OSBPL10: variants seen among roughly 807,000 people sequenced by gnomAD.
The protein encoded by OSBPL10 is oxysterol binding protein like 10, also known as oxysterol-binding protein-related protein 10.
Under a neutral mutation model 81.7 loss-of-function variants are expected in OSBPL10, and 49 were observed. That is an observed-to-expected ratio of 0.60 (90% CI 0.48 to 0.76). The LOEUF is 0.76. Among genes scored for constraint, OSBPL10 ranks in the 30% least tolerant of loss-of-function variants. The pLI is 0.00. For missense variants in OSBPL10, 923 were observed against 987.8 expected (o/e 0.93, Z 0.88); for synonymous variants, 419 against 383.6 (o/e 1.09, Z -1.08).
At chr3:31,973,309 C>T (rs2125494940) in intron 1 of OSBPL10, among the ~76,000 whole-genome samples, 1 of 152,258 alleles carries the variant, frequency 6.6e-6, no homozygotes, top group East Asian at 1.9e-4. Flanking sequence ...TAATGAGAGG[C>T]AGGGCTAAGA....
intron 1 of OSBPL10, among the ~76,000 whole-genome samples, chr3:32,070,312 TC>T (rs1373017221): frequency 6.6e-6 from 1 of 152,160 alleles, no homozygotes; most frequent in East Asian, 1.9e-4. Context: ...TGGACAACAT[TC>T]TTTTATGCAC....
At chr3:31,804,256 T>C (rs1254708952) in intron 4 of OSBPL10, among the ~76,000 whole-genome samples, 2 of 152,214 alleles carry the variant, frequency 1.3e-5, no homozygotes, top group East Asian at 3.8e-4. Flanking sequence ...TATGTTATTC[T>C]AAGGGTTGAA....
At chr3:31,924,059 A>G (rs1428168322) in intron 1 of OSBPL10, among the ~76,000 whole-genome samples, 2 of 151,902 alleles carry the variant, frequency 1.3e-5, no homozygotes, top group Non-Finnish European at 2.9e-5. Context: ...TTTACTAAAA[A>G]TACAAGAAAA....
intron 4 of OSBPL10, among the ~76,000 whole-genome samples, chr3:31,806,206 C>T (rs987119020): frequency 6.6e-6 from 1 of 152,192 alleles, no homozygotes; most frequent in Non-Finnish European, 1.5e-5. Context: ...AGCCTACGCC[C>T]TTGTTCCCTC....
rs56311731 is a variant in OSBPL10, at chr3:31,762,630, A to ATTTTTTTTTTTTTTTTTTTTTTTTT, written c.730-14511_730-14510insAAAAAAAAAAAAAAAAAAAAAAAAA. On this transcript the variant is annotated intron_variant, in intron 4 of 11. Transcript: ENST00000396556. Reference sequence around the variant, plus strand: ...GCCTATGCACAACACCATGCCCAGCATTTTTTTTTTTTTTTTTTTGTAGAG... The same window carrying ATTTTTTTTTTTTTTTTTTTTTTTTT: ...GCCTATGCACAACACCATGCCCAGCATTTTTTTTTTTTTTTTTTTTTTTTTTTTTTTTTTTTTTTTTTTTGTAGAG... Among the ~76,000 whole-genome samples, 21 of 61,482 alleles carry ATTTTTTTTTTTTTTTTTTTTTTTTT rather than the reference A, an allele frequency of 3.4e-4. 7 individuals are homozygous for ATTTTTTTTTTTTTTTTTTTTTTTTT. The highest frequency in any genetic ancestry group is 9.6e-4 in the Admixed American group (4 of 4,148). 40.3% of individuals were successfully genotyped at this position (61,482 alleles called of 152,430 possible). A position where few individuals can be genotyped will look rare whatever the true frequency, so the allele number is the denominator to read the frequency against.
At chr3:31,792,542 G>T (rs1289526989) in intron 4 of OSBPL10, among the ~76,000 whole-genome samples, 1 of 152,102 alleles carries the variant, frequency 6.6e-6, no homozygotes, top group South Asian at 2.1e-4. Context: ...GGGGCGGAGG[G>T]GGGTGGTGGT....
intron 4 of OSBPL10, among the ~76,000 whole-genome samples, chr3:31,810,114 A>G (rs998673699): frequency 5.9e-5 from 9 of 151,822 alleles, no homozygotes; most frequent in Non-Finnish European, 1.3e-4. Context: ...TAGGTGATCC[A>G]CCCACCTCAG....
chr3:31,829,602 T>C (rs1700183712), intron 4 of OSBPL10, among the ~76,000 whole-genome samples: 1 of 152,050 alleles, frequency 6.6e-6, no homozygotes, highest in Non-Finnish European at 1.5e-5. Context: ...CCTTGGAGTG[T>C]GTCTATGAGG....
chr3:31,909,982 CTT>C (rs563373548), intron 1 of OSBPL10, among the ~76,000 whole-genome samples: 169 of 129,232 alleles, frequency 1.3e-3, no homozygotes, highest in East Asian at 5.2e-3. Flanking sequence ...GTCTCCTGGC[CTT>C]TTTTTTTTTT....
chr3:31,947,083 A>C (rs1457552058), intron 1 of OSBPL10, among the ~76,000 whole-genome samples: 2 of 152,222 alleles, frequency 1.3e-5, no homozygotes, highest in Non-Finnish European at 2.9e-5. Context: ...CTGGTTAGAT[A>C]CTAGAGAACG....
At chr3:31,962,595 ACTC>A (rs1698200572) in intron 1 of OSBPL10, among the ~76,000 whole-genome samples, 1 of 152,010 alleles carries the variant, frequency 6.6e-6, no homozygotes, top group Non-Finnish European at 1.5e-5. Flanking sequence ...TGCCATAAAT[ACTC>A]TGCCTGATTC....
chr3:31,744,149 A>C (rs978391466), intron 5 of OSBPL10, among the ~76,000 whole-genome samples: 1 of 152,244 alleles, frequency 6.6e-6, no homozygotes, highest in African/African-American at 2.4e-5. Context: ...ACATGTAAAA[A>C]GGGTAAGATG....
At chr3:31,918,371 C>G (rs912386972) in intron 1 of OSBPL10, among the ~76,000 whole-genome samples, 1 of 151,066 alleles carries the variant, frequency 6.6e-6, no homozygotes, top group African/African-American at 2.4e-5. Context: ...TTCTGTTGCC[C>G]AGGCCAGAGT....
chr3:31,815,065 C>A (rs1028466723), intron 4 of OSBPL10, among the ~76,000 whole-genome samples: 1 of 130,828 alleles, frequency 7.6e-6, no homozygotes, highest in Non-Finnish European at 1.7e-5. Context: ...TAGAGTCCTG[C>A]ATGACTCTGT....
Position 31,830,085 on chromosome 3 carries a change from T to C in OSBPL10, c.684A>G (p.Arg228=). 1.9e-6 allele frequency: 3 copies of C among 1,614,028 alleles called. No individual in the cohort carries two copies. The highest frequency in any genetic ancestry group is 2.5e-6 in the Non-Finnish European group (3 of 1,180,014). Residue 228 remains arginine (R), a synonymous_variant, in exon 4 of 12, where the codon CGA becomes CGG. Transcript: ENST00000396556. ...GGCCGGAATACTGACTCTTGGCTCT[T>C]CGGGCGGCTGCAGGCGACTTGTGAT... is the stretch of plus-strand genomic sequence containing the variant. ...ITHHKSPAAA[R]RAKSQYSGQL...
chr3:31,893,280 AAAG>A (rs1175981157), intron 1 of OSBPL10, among the ~76,000 whole-genome samples: 2 of 152,224 alleles, frequency 1.3e-5, no homozygotes, highest in Admixed American at 6.5e-5. Flanking sequence ...ACATTTCACC[AAAG>A]AAGATACATG....
intron 2 of OSBPL10, among the ~76,000 whole-genome samples, chr3:32,005,447 T>C (rs1699195441): frequency 7.5e-6 from 1 of 132,940 alleles, no homozygotes; most frequent in African/African-American, 2.7e-5. Context: ...TTATGGACTG[T>C]GAGCAAGTTT....
chr3:32,017,874 C>T (rs1699329502), intron 2 of OSBPL10, among the ~76,000 whole-genome samples: 1 of 152,130 alleles, frequency 6.6e-6, no homozygotes, highest in African/African-American at 2.4e-5. Flanking sequence ...GTCAGCCAGG[C>T]GCAGTGGCTC....
chr3:31,665,012 C>A (rs1377984600), intron 10 of OSBPL10, among the ~76,000 whole-genome samples: 4 of 151,870 alleles, frequency 2.6e-5, no homozygotes, highest in Non-Finnish European at 5.9e-5. Context: ...ATGAAATGAG[C>A]AAAATAAAAG....
Sources: gnomAD v4.1 joint callset for allele counts (sites outside exome capture counted in the v4.1 genomes callset) on GRCh38, gnomAD v4.1.1 for gene constraint, MANE v1.5 for transcripts, NCBI Gene and HGNC (gene_info 2026-07-23, HGNC 2026-07-21) for gene names.